WDPCP: variants seen among roughly 807,000 people sequenced by gnomAD.
WDPCP encodes the protein WD repeat containing planar cell polarity effector.
A neutral mutation model predicts 93.1 loss-of-function variants in WDPCP; 71 were observed. That is an observed-to-expected ratio of 0.76 (90% CI 0.63 to 0.93). The LOEUF (loss-of-function observed/expected upper bound fraction) is 0.93. Ranked by LOEUF, WDPCP falls within the 40% of genes least tolerant of loss-of-function variation. The pLI, the probability that WDPCP is intolerant of heterozygous loss-of-function variation, is 0.00. For synonymous variants in WDPCP, 315 were observed against 315.0 expected, an observed-to-expected ratio of 1.00 and a Z score of 0.00; for missense variants, 844 against 887.4, an observed-to-expected ratio of 0.95 and a Z score of 0.62.
intron 2 of WDPCP, among the ~76,000 whole-genome samples, chr2:63,750,203 G>T (rs1424481089): frequency 6.6e-6 from 1 of 152,040 alleles, no homozygotes; most frequent in Non-Finnish European, 1.5e-5. Context: ...ATGGATGAGA[G>T]ATATACTTAA....
At position 63,792,915 on chromosome 2, in the gene WDPCP, G is replaced by C. The variant is rs796710970; in HGVS notation, n.308+20707C>G. On this transcript the variant is annotated intron_variant and non_coding_transcript_variant, in intron 2 of 4. Transcript: ENST00000467687. ...AATAACATCATAGATTCAAATAACA[G>C]TGTAAAAAAAAAAAGGCAGAACTAC... Among the ~76,000 whole-genome samples, 70 of 150,940 alleles carry C rather than the reference G, an allele frequency of 4.6e-4. 1 individual carries two copies. Among genetic ancestry groups the C allele is most frequent in the African/African-American group, 1.6e-3 (67 of 41,138 alleles).
intron 14 of WDPCP, among the ~76,000 whole-genome samples, chr2:63,249,323 A>G (rs1313658068): frequency 6.6e-6 from 1 of 152,158 alleles, no homozygotes. Context: ...CTGCTTTTGA[A>G]TGCCTTAATT....
intron 13 of WDPCP, among the ~76,000 whole-genome samples, chr2:63,289,998 T>G (rs6545984): frequency 0.81 from 122,541 of 151,324 alleles, 50,406 homozygotes; most frequent in East Asian, 0.96. Flanking sequence ...ACATAATTAG[T>G]TCTTGCTTTT....
Position 63,239,039 on chromosome 2 carries a change from A to C in WDPCP, c.1915+20268T>G, listed in dbSNP as rs541684586. 8.5e-5 allele frequency among the ~76,000 whole-genome samples: 13 copies of C among 152,316 alleles called. 1 individual carries two copies. The South Asian group carries it at 2.7e-3, about 32-fold the overall frequency. ...ATAATTGGCACTCATGAGGCCGTAG[A>C]ATACAGCCTCAGTGCAGCACTGGAA... On this transcript the variant is annotated intron_variant, in intron 14 of 17. Coordinates refer to ENST00000272321, the MANE Select transcript of WDPCP (RefSeq NM_015910.7).
chr2:63,722,720 C>G (rs2103797066), intron 2 of WDPCP, among the ~76,000 whole-genome samples: 1 of 151,152 alleles, frequency 6.6e-6, no homozygotes, highest in African/African-American at 2.4e-5. Context: ...GCGCCTCTGC[C>G]CGGCCGCCCC....
chr2:63,428,524 C>T (rs1192534905), intron 9 of WDPCP, among the ~76,000 whole-genome samples: 3 of 152,024 alleles, frequency 2.0e-5, no homozygotes, highest in African/African-American at 7.2e-5. Flanking sequence ...GCTTTCAATA[C>T]AATCCAACAT....
chr2:63,480,058 C>T (rs1198385703), intron 6 of WDPCP, among the ~76,000 whole-genome samples: 1 of 151,952 alleles, frequency 6.6e-6, no homozygotes, highest in East Asian at 1.9e-4. Flanking sequence ...TTAATGTATA[C>T]AATCAGTAGC....
At chr2:63,137,331 C>T (rs986199947) in intron 17 of WDPCP, among the ~76,000 whole-genome samples, 41 of 152,086 alleles carry the variant, frequency 2.7e-4, no homozygotes, top group Non-Finnish European at 2.9e-5. Context: ...AGATGTTGAG[C>T]ATTTTTTCAT....
chr2:63,704,243 A>G (rs1206924072), intron 2 of WDPCP, among the ~76,000 whole-genome samples: 1 of 152,226 alleles, frequency 6.6e-6, no homozygotes, highest in Admixed American at 6.5e-5. Flanking sequence ...TGTCATCTGC[A>G]AACAGGGACA....
chr2:63,768,173 A>T (rs999302771), intron 2 of WDPCP, among the ~76,000 whole-genome samples: 2 of 152,080 alleles, frequency 1.3e-5, no homozygotes, highest in Admixed American at 1.3e-4. Flanking sequence ...TTTGTTGAAA[A>T]TGACTATGCT....
chr2:63,395,003 T>C (rs757078352), intron 10 of WDPCP, among the ~76,000 whole-genome samples: 1 of 152,066 alleles, frequency 6.6e-6, no homozygotes, highest in Non-Finnish European at 1.5e-5. Flanking sequence ...AATGTACCTA[T>C]AAAACAAACC....
At chr2:63,612,795 T>C (rs1417680598) in intron 3 of WDPCP, among the ~76,000 whole-genome samples, 1 of 152,158 alleles carries the variant, frequency 6.6e-6, no homozygotes, top group Non-Finnish European at 1.5e-5. Context: ...TAAATTCTGT[T>C]TTTCTTTTGT....
chr2:63,704,902 A>C (rs923516596), intron 2 of WDPCP, among the ~76,000 whole-genome samples: 1 of 152,182 alleles, frequency 6.6e-6, no homozygotes, highest in African/African-American at 2.4e-5. Flanking sequence ...CCTCTGGTAG[A>C]ATTCGGCTGT....
chr2:63,598,324 T>G (rs1709356573), intron 3 of WDPCP: 1 of 152,182 alleles, frequency 6.6e-6, no homozygotes, highest in Non-Finnish European at 1.5e-5. Context: ...AGACGGGATT[T>G]CACCATGTTG....
At position 63,404,405 on chromosome 2, in the gene WDPCP, A is replaced by G. The variant is rs1334984869; in HGVS notation, c.1078T>C (p.Ser360Pro). Residue 360 changes from serine (S) to proline (P), a missense_variant, in exon 10 of 18, where the codon TCG (serine) becomes CCG (proline). Transcript: ENST00000272321. ...DKLILGCEDS[S>P]LILYETHRRV... ...CGGTGAGTTTCATAAAGAATTAGCG[A>G]AGAATCTTCACAGCCCAGAATCAGT... 3.1e-6 allele frequency: 5 copies of G among 1,614,078 alleles called. No individual in the cohort carries two copies. In the African/African-American group the frequency reaches 6.7e-5, roughly 22 times the overall value.
chr2:63,416,814 A>G (rs1695466941), intron 9 of WDPCP, among the ~76,000 whole-genome samples: 1 of 152,172 alleles, frequency 6.6e-6, no homozygotes, highest in Non-Finnish European at 1.5e-5. Flanking sequence ...AGGCCACCAC[A>G]CCTGGCCCAA....
At chr2:63,474,041 G>A (rs1699832729) in intron 6 of WDPCP, among the ~76,000 whole-genome samples, 1 of 151,934 alleles carries the variant, frequency 6.6e-6, no homozygotes, top group African/African-American at 2.4e-5. Context: ...GGGCTGTGAG[G>A]AGTACAGTGA....
chr2:63,536,411 G>A (rs1439433213), intron 1 of WDPCP, among the ~76,000 whole-genome samples: 4 of 152,128 alleles, frequency 2.6e-5, no homozygotes, highest in African/African-American at 7.2e-5. Context: ...ACATGCACAC[G>A]TATGTTTACT....
intron 12 of WDPCP, among the ~76,000 whole-genome samples, chr2:63,318,566 C>T (rs1372628368): frequency 1.3e-5 from 2 of 152,032 alleles, no homozygotes; most frequent in Admixed American, 1.3e-4. Context: ...ATATATACAC[C>T]ATGGAATACT....
Sources: gnomAD v4.1 joint callset for allele counts (sites outside exome capture counted in the v4.1 genomes callset) on GRCh38, gnomAD v4.1.1 for gene constraint, MANE v1.5 for transcripts, NCBI Gene and HGNC (gene_info 2026-07-23, HGNC 2026-07-21) for gene names.